PPP2R1A: variants seen among roughly 807,000 people sequenced by gnomAD.
PPP2R1A encodes protein phosphatase 2 scaffold subunit Aalpha.
PPP2R1A carries 15 observed loss-of-function variants against 67.1 expected under a neutral mutation model. That is an observed-to-expected ratio of 0.22 (90% CI 0.15 to 0.34). The LOEUF (loss-of-function observed/expected upper bound fraction) is 0.34. Ranked by LOEUF, PPP2R1A falls within the 10% of genes least tolerant of loss-of-function variation. The pLI is 1.00. For missense variants in PPP2R1A, 369 were observed against 775.0 expected (o/e 0.48, Z 6.22); for synonymous variants, 337 against 325.0 (o/e 1.04, Z -0.40).
intron 12 of PPP2R1A, 88 bp from the exon 13 acceptor site, chr19:52,222,011 T>G: frequency 2.2e-6 from 3 of 1,374,512 alleles, no homozygotes; most frequent in Non-Finnish European, 2.0e-6. Flanking sequence ...GGCCTGATGA[T>G]CACCAGAGTG....
chr19:52,202,042 A>G lies in PPP2R1A; in HGVS notation c.169+8A>G, dbSNP rs771101244. 4 of 1,613,058 alleles carry G rather than the reference A, an allele frequency of 2.5e-6. No individual in the cohort carries two copies. Among genetic ancestry groups the G allele is most frequent in the Non-Finnish European group, 3.4e-6 (4 of 1,179,164 alleles). On this transcript the variant is annotated splice_region_variant and intron_variant, in intron 2 of 14. Coordinates refer to ENST00000322088, the MANE Select transcript of PPP2R1A (RefSeq NM_014225.6). Reference sequence around the variant, plus strand: ...TTCTGCCTTTCCTTACAGGTAACAAAGGGGACCCCTGGGGCCCAGATGTGG... The same window carrying G: ...TTCTGCCTTTCCTTACAGGTAACAAGGGGGACCCCTGGGGCCCAGATGTGG...
intron 1 of PPP2R1A, among the ~76,000 whole-genome samples, chr19:52,191,784 G>A (rs2089456883): frequency 6.6e-6 from 1 of 152,208 alleles, no homozygotes; most frequent in Non-Finnish European, 1.5e-5. Context: ...GGAGACACCA[G>A]TTGCTATACA....
At position 52,226,088 on chromosome 19, in the gene PPP2R1A, G is replaced by C. The variant is rs1213156039; in HGVS notation, c.*107G>C. 3.9e-6 allele frequency: 6 copies of C among 1,545,338 alleles called. No individual in the cohort carries two copies. The highest frequency in any genetic ancestry group is 5.4e-6 in the Non-Finnish European group (6 of 1,120,336). ...CCTTTGGCTGTCACTCCCTGTGCATGGTCTGACCCCAGGCCCCTTCCCCCA... is the reference window on the plus strand; with the variant it reads ...CCTTTGGCTGTCACTCCCTGTGCATCGTCTGACCCCAGGCCCCTTCCCCCA... On this transcript the variant is annotated 3_prime_UTR_variant, in exon 15 of 15. Transcript: ENST00000322088.
At chr19:52,196,864 C>G (rs1170129773) in intron 1 of PPP2R1A, among the ~76,000 whole-genome samples, 1 of 152,188 alleles carries the variant, frequency 6.6e-6, no homozygotes, top group Non-Finnish European at 1.5e-5. Context: ...AGCTCCATTC[C>G]AGACAGGAAG....
chr19:52,220,448 G>T (rs2122362720), intron 11 of PPP2R1A, among the ~76,000 whole-genome samples, 199 bp downstream of exon 11: 1 of 152,252 alleles, frequency 6.6e-6, no homozygotes, highest in African/African-American at 2.4e-5. Context: ...TCACCCAGGG[G>T]TTGCCTGGTA....
In PPP2R1A at chr19:52,216,773, C is replaced by T. The variant is rs963644738; in HGVS notation, c.1128+110C>T. ...AGGAATCTGCTGATATCTCAACAGA[C>T]ATCCAGATCTTTGCTGAGTTGCATG... On this transcript the variant is annotated intron_variant, in intron 9 of 14. Transcript: ENST00000322088. This position sits in a 1 kb window ranked among gnomAD's most constrained non-coding sequence, Gnocchi z 4.3. 4 of 1,485,546 alleles carry T rather than the reference C, an allele frequency of 2.7e-6. No individual in the cohort carries two copies. The South Asian group carries it at 3.6e-5, about 13-fold the overall frequency. The allele number at this position is 1,485,546 out of a possible 1,614,324, so 92.0% of individuals were successfully genotyped here. A position where few individuals can be genotyped will look rare whatever the true frequency, so the allele number is the denominator to read the frequency against.
At chr19:52,198,543 G>A (rs888461264) in intron 1 of PPP2R1A, among the ~76,000 whole-genome samples, 5 of 152,202 alleles carry the variant, frequency 3.3e-5, no homozygotes, top group African/African-American at 7.2e-5. Flanking sequence ...AAAGGATACA[G>A]ATGAAGAGGT....
At chr19:52,197,424 T>C (rs1386477182) in intron 1 of PPP2R1A, among the ~76,000 whole-genome samples, 3 of 152,138 alleles carry the variant, frequency 2.0e-5, no homozygotes, top group African/African-American at 7.2e-5. Context: ...CCTATAATCC[T>C]AGCATTTTGG....
At position 52,207,043 on chromosome 19, in the gene PPP2R1A, C is replaced by T. The variant is rs189092684; in HGVS notation, c.270+980C>T. ...GTAAATATAACAATTTGTTTCTTCC[C>T]AAATAGCATTATGTAAAGAAACTTG... On this transcript the variant is annotated intron_variant, in intron 3 of 14. Transcript: ENST00000322088. Among the ~76,000 whole-genome samples the T allele has an allele frequency of 1.4e-3, 220 of 152,204 alleles. 1 individual carries two copies. Among genetic ancestry groups the T allele is most frequent in the African/African-American group, 5.1e-3 (213 of 41,510 alleles).
At chr19:52,220,904 A>T in intron 11 of PPP2R1A, 75 bp from the exon 12 acceptor site, 2 of 1,532,632 alleles carry the variant, frequency 1.3e-6, no homozygotes, top group Non-Finnish European at 1.8e-6. Flanking sequence ...AGCCATGGTG[A>T]GTGTGACCTA....
At chr19:52,207,139 CA>C (rs1434706517) in intron 3 of PPP2R1A, among the ~76,000 whole-genome samples, 1 of 152,156 alleles carries the variant, frequency 6.6e-6, no homozygotes, top group Non-Finnish European at 1.5e-5. Context: ...CGTATGGACA[CA>C]CAGAAAATTG....
chr19:52,206,109 C>G, intron 3 of PPP2R1A, 46 bp downstream of exon 3: 1 of 1,559,898 alleles, frequency 6.4e-7, no homozygotes, highest in South Asian at 1.1e-5. Context: ...TTAGGGTCGG[C>G]CCATGGTCCT....
At chr19:52,191,790 A>G (rs2089456899) in intron 1 of PPP2R1A, among the ~76,000 whole-genome samples, 3 of 152,192 alleles carry the variant, frequency 2.0e-5, no homozygotes, top group Admixed American at 6.5e-5. Flanking sequence ...ACCAGTTGCT[A>G]TACAGGATCC....
rs1979324728 is a variant in PPP2R1A at position 52,227,350 on chromosome 19, A to G, written c.*1369A>G. On this transcript the variant is annotated 3_prime_UTR_variant, in exon 15 of 15. Coordinates refer to ENST00000322088, the MANE Select transcript of PPP2R1A (RefSeq NM_014225.6). ...AGGCGTGAAGGTCAAGTAAGGCAGG[A>G]CAAGAGAGAAGGAGCCTGCCTCCCC... The G allele has an allele frequency of 6.6e-6, 1 of 152,188 alleles. No individual in the cohort carries two copies. Among genetic ancestry groups the G allele is most frequent in the Non-Finnish European group, 1.5e-5 (1 of 68,074 alleles). 9.4% of individuals were successfully genotyped at this position (152,188 alleles called of 1,614,324 possible). A position where few individuals can be genotyped will look rare whatever the true frequency, so the allele number is the denominator to read the frequency against.
rs1016963685 is a variant in PPP2R1A at position 52,218,799 on chromosome 19, G to A, written c.1129-892G>A. 1.9e-4 allele frequency among the ~76,000 whole-genome samples: 29 copies of A among 152,220 alleles called. 1 individual carries two copies. The highest frequency in any genetic ancestry group is 6.2e-4 in the South Asian group (3 of 4,820). Reference sequence around the variant, plus strand: ...GCAAGCCCATACGTGCTGCAAGTGCGCTAGGACTGGAGCATTTTTTGCTCC... The same window carrying A: ...GCAAGCCCATACGTGCTGCAAGTGCACTAGGACTGGAGCATTTTTTGCTCC... On this transcript the variant is annotated intron_variant, in intron 9 of 14. Coordinates refer to ENST00000322088, the MANE Select transcript of PPP2R1A (RefSeq NM_014225.6).
intron 13 of PPP2R1A, among the ~76,000 whole-genome samples, chr19:52,222,613 T>C (rs1979007350): frequency 1.3e-5 from 2 of 152,208 alleles, no homozygotes; most frequent in Non-Finnish European, 2.9e-5. Context: ...TGTAAAACAC[T>C]AATGTGAGAA....
At chr19:52,207,800 G>A (rs1270265288) in intron 3 of PPP2R1A, among the ~76,000 whole-genome samples, 1 of 152,152 alleles carries the variant, frequency 6.6e-6, no homozygotes, top group African/African-American at 2.4e-5. Context: ...TTCGATCCCA[G>A]GCCCCTAATT....
intron 1 of PPP2R1A, among the ~76,000 whole-genome samples, chr19:52,199,169 A>AT (rs1322011972): frequency 1.3e-5 from 2 of 151,660 alleles, no homozygotes; most frequent in Non-Finnish European, 2.9e-5. Flanking sequence ...ATTTTATTTT[A>AT]TTTATTTATT....
At position 52,201,891 on chromosome 19, in the gene PPP2R1A, C is replaced by T. The variant is rs10419017; in HGVS notation, c.79-53C>T. ...CTGGGTTGAGAGCTGTCAGAACTCA[C>T]GCGTGTCTGGGATTTCTAACATTCT... is the stretch of plus-strand genomic sequence containing the variant. On this transcript the variant is annotated intron_variant, in intron 1 of 14. Coordinates refer to ENST00000322088, the MANE Select transcript of PPP2R1A (RefSeq NM_014225.6). The T allele has an allele frequency of 4.7e-3, 7,292 of 1,543,054 alleles. 295 individuals carry two copies. In the African/African-American group the frequency reaches 0.087, roughly 18 times the overall value.
Sources: gnomAD v4.1 joint callset for allele counts (sites outside exome capture counted in the v4.1 genomes callset) on GRCh38, gnomAD v4.1.1 for gene constraint, Gnocchi (gnomAD v3.1) non-coding constraint, MANE v1.5 for transcripts, NCBI Gene and HGNC (gene_info 2026-07-23, HGNC 2026-07-21) for gene names.